APBB2: variants seen among roughly 807,000 people sequenced by gnomAD.
APBB2 encodes Fe65-like 1.
Under a neutral mutation model 82.5 loss-of-function variants are expected in APBB2, and 38 were observed. The observed-to-expected ratio is 0.46, with a 90% CI of 0.36 to 0.60. The LOEUF (loss-of-function observed/expected upper bound fraction) is 0.60, where lower values mean the gene tolerates loss of function less well. APBB2 is among the 20% of genes least tolerant of loss of function. APBB2 has a pLI of 0.00. For synonymous variants in APBB2, 341 were observed against 368.2 expected, an observed-to-expected ratio of 0.93 and a Z score of 0.85; for missense variants, 772 against 972.3, an observed-to-expected ratio of 0.79 and a Z score of 2.74.
At chr4:40,825,813 T>C in intron 15 of APBB2, 74 bp downstream of exon 15, 1 of 1,171,712 alleles carries the variant, frequency 8.5e-7, no homozygotes, top group Non-Finnish European at 1.3e-6. Flanking sequence ...GACCTCACCC[T>C]CCTCGGAGGG....
chr4:41,213,704 C>T (rs1779899677), intron 1 of APBB2, among the ~76,000 whole-genome samples: 1 of 152,214 alleles, frequency 6.6e-6, no homozygotes, highest in African/African-American at 2.4e-5. Context: ...GCCCGGTGGG[C>T]AGCGCAGGGG....
chr4:40,966,889 A>G (rs976956982), intron 6 of APBB2, among the ~76,000 whole-genome samples: 10 of 152,218 alleles, frequency 6.6e-5, no homozygotes, highest in African/African-American at 2.4e-4. Context: ...GGTCAGGTCC[A>G]CAGTGAAACC....
intron 6 of APBB2, among the ~76,000 whole-genome samples, chr4:40,979,791 T>G (rs963163912): frequency 6.6e-6 from 1 of 152,198 alleles, no homozygotes; most frequent in Non-Finnish European, 1.5e-5. Context: ...GAGGACCCCA[T>G]GTCTCAGAAG....
At chr4:41,112,812 A>AC (rs1166280948) in intron 2 of APBB2, among the ~76,000 whole-genome samples, 1 of 152,014 alleles carries the variant, frequency 6.6e-6, no homozygotes, top group African/African-American at 2.4e-5. Context: ...ACATGGTGAA[A>AC]CCCCATCTGT....
Position 40,871,347 on chromosome 4 carries a change from G to A in APBB2, c.1529+19017C>T, listed in dbSNP as rs188331195. Among the ~76,000 whole-genome samples, 215 of 151,974 alleles carry A rather than the reference G, an allele frequency of 1.4e-3. 1 individual carries two copies. The highest frequency in any genetic ancestry group is 1.6e-3 in the African/African-American group (66 of 41,476). On this transcript the variant is annotated intron_variant, in intron 12 of 17. Coordinates refer to ENST00000508593, the MANE Select transcript of APBB2 (RefSeq NM_004307.2). ...CTTAGTAGAGACGGGGTTTTGCCAC[G>A]TTGGCCAGGCTGGTCTCGAACTCCT...
intron 4 of APBB2, among the ~76,000 whole-genome samples, chr4:41,061,624 T>C (rs1399837311): frequency 1.3e-5 from 2 of 152,230 alleles, no homozygotes; most frequent in Non-Finnish European, 1.5e-5. Flanking sequence ...ATTGAAACAT[T>C]GTTATGTGGC....
At chr4:40,853,014 C>A (rs1437178358) in intron 12 of APBB2, among the ~76,000 whole-genome samples, 1 of 152,156 alleles carries the variant, frequency 6.6e-6, no homozygotes, top group African/African-American at 2.4e-5. Context: ...TGTCCTCGAA[C>A]AGTTATTACT....
intron 10 of APBB2, among the ~76,000 whole-genome samples, chr4:40,916,565 A>G (rs983903301): frequency 3.9e-5 from 6 of 152,148 alleles, no homozygotes; most frequent in Non-Finnish European, 7.4e-5. Flanking sequence ...ATGTAGACTT[A>G]TGTGGTTGGA....
At chr4:41,081,679 T>G (rs564231765) in intron 3 of APBB2, among the ~76,000 whole-genome samples, 16 of 152,198 alleles carry the variant, frequency 1.1e-4, no homozygotes, top group Non-Finnish European at 2.4e-4. Context: ...CCAGTGAAGG[T>G]TCTACTTCCA....
At chr4:40,953,315 G>C (rs62410343) in intron 6 of APBB2, among the ~76,000 whole-genome samples, 1 of 147,038 alleles carries the variant, frequency 6.8e-6, no homozygotes, top group Non-Finnish European at 1.5e-5. Context: ...AAAAAAAAAG[G>C]ATTCTACAGA....
intron 2 of APBB2, among the ~76,000 whole-genome samples, chr4:41,131,277 C>T (rs760384262): frequency 2.8e-4 from 43 of 152,188 alleles, no homozygotes; most frequent in Non-Finnish European, 5.6e-4. Context: ...CCTGTCTTGT[C>T]GGCATTTGAG....
intron 1 of APBB2, among the ~76,000 whole-genome samples, chr4:41,169,092 G>A (rs1278249338): frequency 6.6e-6 from 1 of 150,878 alleles, no homozygotes; most frequent in Non-Finnish European, 1.5e-5. Context: ...GGCTGAGGCA[G>A]GAGAATCGTT....
intron 12 of APBB2, among the ~76,000 whole-genome samples, chr4:40,851,195 G>T (rs1437920106): frequency 6.6e-6 from 1 of 152,264 alleles, no homozygotes; most frequent in South Asian, 2.1e-4. Flanking sequence ...AATAATTCTC[G>T]TTACAGGTGA....
chr4:41,128,062 AGAG>A (rs1386820026), intron 2 of APBB2, among the ~76,000 whole-genome samples: 5 of 151,290 alleles, frequency 3.3e-5, no homozygotes, highest in Non-Finnish European at 7.4e-5. Context: ...CCTGGGTAAC[AGAG>A]CGAGACTCCA....
chr4:41,144,625 A>G, intron 1 of APBB2, among the ~76,000 whole-genome samples: 1 of 152,270 alleles, frequency 6.6e-6, no homozygotes, highest in East Asian at 1.9e-4. Flanking sequence ...TATTTATCTG[A>G]TCACAGAAGT....
At chr4:40,824,645 G>A (rs1031558325) in intron 15 of APBB2, among the ~76,000 whole-genome samples, 2 of 152,038 alleles carry the variant, frequency 1.3e-5, no homozygotes, top group Non-Finnish European at 2.9e-5. Flanking sequence ...ATGCCACCAT[G>A]CCCAGCTAAT....
chr4:40,838,329 ATTTTTTTT>A (rs780767835), intron 12 of APBB2, among the ~76,000 whole-genome samples: 1 of 72,274 alleles, frequency 1.4e-5, no homozygotes, highest in Non-Finnish European at 2.5e-5. Context: ...CACATGGCTA[ATTTTTTTT>A]TTTTTTTTTT....
chr4:41,019,008 T>C (rs1810757336), intron 5 of APBB2, among the ~76,000 whole-genome samples: 1 of 152,204 alleles, frequency 6.6e-6, no homozygotes, highest in Admixed American at 6.5e-5. Flanking sequence ...AAGGTTCCCA[T>C]TAGCCACTTG....
intron 1 of APBB2, among the ~76,000 whole-genome samples, chr4:41,168,158 A>G (rs1767193346): frequency 6.6e-6 from 1 of 151,470 alleles, no homozygotes; most frequent in Admixed American, 6.6e-5. Flanking sequence ...AGTCCCAGCT[A>G]CTCGGGAGGC....
Sources: gnomAD v4.1 joint callset for allele counts (sites outside exome capture counted in the v4.1 genomes callset) on GRCh38, gnomAD v4.1.1 for gene constraint, MANE v1.5 for transcripts, NCBI Gene and HGNC (gene_info 2026-07-23, HGNC 2026-07-21) for gene names.